NMNAT2: variants seen among roughly 807,000 people sequenced by gnomAD.
NMNAT2 encodes nicotinamide nucleotide adenylyltransferase 2.
In NMNAT2, 11 loss-of-function variants were observed where a neutral mutation model predicts 41.6. The ratio of observed to expected loss-of-function variants is 0.26; its 90% CI spans 0.17 to 0.44. NMNAT2 has a LOEUF of 0.44. NMNAT2 is among the 20% of genes least tolerant of loss of function. The pLI, the probability that NMNAT2 is intolerant of heterozygous loss-of-function variation, is 1.00. For synonymous variants in NMNAT2, 148 were observed against 151.2 expected (o/e 0.98, Z 0.16); for missense variants, 288 against 407.7 (o/e 0.71, Z 2.53).
intron 5 of NMNAT2, 122 bp downstream of exon 5, chr1:183,286,540 A>G (rs1661402689): frequency 4.0e-6 from 3 of 754,014 alleles, no homozygotes; most frequent in Admixed American, 6.5e-5. Context: ...TTAAAAATAC[A>G]AGTCCTCTTT....
chr1:183,257,988 A>T (rs1281777646), intron 10 of NMNAT2, among the ~76,000 whole-genome samples: 2 of 152,142 alleles, frequency 1.3e-5, no homozygotes, highest in Non-Finnish European at 2.9e-5. Context: ...TTATTGTTAG[A>T]AGCTTTCCTC....
intron 8 of NMNAT2, among the ~76,000 whole-genome samples, chr1:183,273,841 C>CCCTCCCTTCCTT (rs1355319609): frequency 1.3e-5 from 1 of 79,130 alleles, no homozygotes; most frequent in African/African-American, 6.6e-5. Flanking sequence ...CTCCCTCCCT[C>CCCTCCCTTCCTT]CCTTCCTTCC....
chr1:183,309,157 A>G (rs1662056258), intron 1 of NMNAT2, among the ~76,000 whole-genome samples: 1 of 152,152 alleles, frequency 6.6e-6, no homozygotes, highest in South Asian at 2.1e-4. Flanking sequence ...ATGCCACCAC[A>G]CCAGGCCAAT....
At chr1:183,381,827 T>C (rs190525775) in intron 1 of NMNAT2, among the ~76,000 whole-genome samples, 267 of 152,356 alleles carry the variant, frequency 1.8e-3, no homozygotes, top group Non-Finnish European at 2.9e-3. Flanking sequence ...AGAATTACTA[T>C]GAGTTACGAA....
chr1:183,255,097 G>A (rs921383020), intron 10 of NMNAT2, among the ~76,000 whole-genome samples: 3 of 152,170 alleles, frequency 2.0e-5, no homozygotes, highest in Admixed American at 6.5e-5. Context: ...TTTTGTGACT[G>A]GTGTGAGATA....
intron 5 of NMNAT2, among the ~76,000 whole-genome samples, chr1:183,286,023 A>C (rs1384616130): frequency 6.6e-6 from 1 of 152,106 alleles, no homozygotes; most frequent in Non-Finnish European, 1.5e-5. Context: ...GCAGAGAAAA[A>C]TGCTCCATTT....
intron 1 of NMNAT2, among the ~76,000 whole-genome samples, chr1:183,413,326 C>A (rs2101933222): frequency 6.6e-6 from 1 of 152,226 alleles, no homozygotes; most frequent in East Asian, 1.9e-4. Flanking sequence ...CTCAAGCGGA[C>A]CTTTCACCTC....
intron 1 of NMNAT2, among the ~76,000 whole-genome samples, chr1:183,393,039 G>A (rs576236466): frequency 5.4e-4 from 82 of 152,208 alleles, no homozygotes; most frequent in African/African-American, 2.0e-3. Context: ...TAACATAGTA[G>A]GCACTCAAAT....
intron 1 of NMNAT2, among the ~76,000 whole-genome samples, chr1:183,356,127 A>T (rs908383378): frequency 3.9e-5 from 6 of 152,242 alleles, no homozygotes; most frequent in Non-Finnish European, 7.3e-5. Context: ...GCACAATCTC[A>T]TAGAATCCTC....
Position 183,290,248 on chromosome 1 carries a change from A to G in NMNAT2, c.243-42T>C, listed in dbSNP as rs922484482. On this transcript the variant is annotated intron_variant, in intron 3 of 10. Coordinates refer to ENST00000287713, the MANE Select transcript of NMNAT2 (RefSeq NM_015039.4). The stretch of plus-strand genomic sequence containing the variant: ...GAAGTTTCCCTTGGTTTCTGTTCTC[A>G]TATTCTTTCCTTATTGTTACCTTCC... The G allele has an allele frequency of 4.7e-6, 7 of 1,475,402 alleles. No individual in the cohort carries two copies. The African/African-American group carries it at 9.8e-5, about 21-fold the overall frequency. 91.4% of individuals were successfully genotyped at this position (1,475,402 alleles called of 1,614,324 possible). A position where few individuals can be genotyped will look rare whatever the true frequency, so the allele number is the denominator to read the frequency against.
chr1:183,375,274 T>G (rs892230191), intron 1 of NMNAT2, among the ~76,000 whole-genome samples: 1 of 152,212 alleles, frequency 6.6e-6, no homozygotes, highest in African/African-American at 2.4e-5. Flanking sequence ...CCTTTATTTA[T>G]CCAATCATTT....
chr1:183,335,409 T>C (rs1261940577), intron 1 of NMNAT2, among the ~76,000 whole-genome samples: 9 of 152,220 alleles, frequency 5.9e-5, no homozygotes, highest in Non-Finnish European at 1.2e-4. Context: ...GTGTAAAATG[T>C]GAATGAACCA....
intron 1 of NMNAT2, among the ~76,000 whole-genome samples, chr1:183,405,792 CA>C (rs1648939820): frequency 6.6e-6 from 1 of 152,176 alleles, no homozygotes; most frequent in African/African-American, 2.4e-5. Flanking sequence ...TTGATAATTT[CA>C]GAATTCAGAA....
chr1:183,417,929 C>A (rs1408411412), intron 1 of NMNAT2, among the ~76,000 whole-genome samples: 2 of 152,130 alleles, frequency 1.3e-5, no homozygotes, highest in Non-Finnish European at 2.9e-5. Flanking sequence ...TGATACTCAT[C>A]TCTAGTCCCC....
intron 1 of NMNAT2, among the ~76,000 whole-genome samples, chr1:183,366,690 A>G (rs1012653244): frequency 2.0e-5 from 3 of 152,168 alleles, no homozygotes; most frequent in Admixed American, 1.3e-4. Flanking sequence ...TGGTGGTGCC[A>G]TTGATACATT....
At chr1:183,347,701 G>GT (rs1207490188) in intron 1 of NMNAT2, among the ~76,000 whole-genome samples, 1 of 152,140 alleles carries the variant, frequency 6.6e-6, no homozygotes, top group African/African-American at 2.4e-5. Flanking sequence ...CAGGAGCACT[G>GT]TTTTTTTGAA....
chr1:183,355,197 C>T (rs1293912213), intron 1 of NMNAT2, among the ~76,000 whole-genome samples: 9 of 152,154 alleles, frequency 5.9e-5, no homozygotes, highest in Non-Finnish European at 1.3e-4. Context: ...TGTTCAAATG[C>T]GATTTCCTCG....
At chr1:183,283,017 C>T (rs1465489528) in intron 7 of NMNAT2, 2 of 152,156 alleles carry the variant, frequency 1.3e-5, no homozygotes, top group Non-Finnish European at 2.9e-5. Flanking sequence ...AATTCAGGGA[C>T]ACCACTGCAC....
intron 1 of NMNAT2, among the ~76,000 whole-genome samples, chr1:183,397,899 T>G (rs1299520191): frequency 6.6e-6 from 1 of 151,960 alleles, no homozygotes; most frequent in Non-Finnish European, 1.5e-5. Flanking sequence ...CTAAAAGAGC[T>G]CCTGAAGGAA....
Sources: gnomAD v4.1 joint callset for allele counts (sites outside exome capture counted in the v4.1 genomes callset) on GRCh38, gnomAD v4.1.1 for gene constraint, MANE v1.5 for transcripts, NCBI Gene and HGNC (gene_info 2026-07-23, HGNC 2026-07-21) for gene names.